Variants in HECTD4 observed in about 807,000 individuals in gnomAD.
HECTD4 encodes probable E3 ubiquitin-protein ligase HECTD4.
Under a neutral mutation model 471.5 loss-of-function variants are expected in HECTD4, and 114 were observed. That is an observed-to-expected ratio of 0.24 (90% CI 0.21 to 0.28). HECTD4 has a LOEUF of 0.28. HECTD4 is among the 10% of genes least tolerant of loss of function. The pLI, the probability that HECTD4 is intolerant of heterozygous loss-of-function variation, is 1.00. For synonymous variants in HECTD4, 2,012 were observed against 2,256.0 expected (o/e 0.89, Z 3.07); for missense variants, 3,866 against 5,651.5 (o/e 0.68, Z 10.13).
Position 112,353,361 on chromosome 12 carries a change from G to A in HECTD4, c.177+28591C>T, listed in dbSNP as rs1342587110. Among the ~76,000 whole-genome samples the A allele has an allele frequency of 3.3e-5, 5 of 152,306 alleles. No individual in the cohort carries two copies. In the East Asian group the frequency reaches 9.6e-4, roughly 29 times the overall value. The stretch of plus-strand genomic sequence containing the variant: ...CCCTAAATTCTAAACATGCTACTGA[G>A]AGAAAAGGCTCTAAAATTATTAACC... On this transcript the variant is annotated intron_variant, in intron 1 of 75. Transcript: ENST00000682272.
chr12:112,210,173 A>AGTG lies in HECTD4; in HGVS notation c.7708_7709insCAC (p.Asp2569_Leu2570insPro). On this transcript the variant is annotated inframe_insertion, in exon 50 of 76. Transcript: ENST00000682272. ...GATCTCTTCTGCTAGGTCAGTGCAC[A>AGTG]GGTCAGCAGCATTGCGGTGGGCCTG... 6.2e-7 allele frequency: 1 copy of AGTG among 1,614,040 alleles called. No individual in the cohort carries two copies. Among genetic ancestry groups the AGTG allele is most frequent in the Non-Finnish European group, 8.5e-7 (1 of 1,179,890 alleles).
At chr12:112,196,864 C>T (rs190901795) in intron 55 of HECTD4, among the ~76,000 whole-genome samples, 3 of 151,510 alleles carry the variant, frequency 2.0e-5, no homozygotes, top group East Asian at 1.9e-4. Flanking sequence ...GGTGTGATCT[C>T]GGCTCACTGC....
intron 7 of HECTD4, among the ~76,000 whole-genome samples, chr12:112,287,560 G>T (rs1401285307): frequency 6.6e-6 from 1 of 152,120 alleles, no homozygotes; most frequent in African/African-American, 2.4e-5. Flanking sequence ...TAGAGCACAT[G>T]GGGGCAGAAG....
At chr12:112,380,043 T>G (rs7311681) in intron 1 of HECTD4, among the ~76,000 whole-genome samples, 55,578 of 152,038 alleles carry the variant, frequency 0.37, 15,260 homozygotes, top group East Asian at 0.85. Context: ...AAAACCAACA[T>G]CACAGATATT....
intron 67 of HECTD4, among the ~76,000 whole-genome samples, chr12:112,171,919 T>TG (rs2031236567): frequency 6.6e-6 from 1 of 152,218 alleles, no homozygotes; most frequent in African/African-American, 2.4e-5. Flanking sequence ...AGTTTTTTTT[T>TG]GGAGACGGAG....
At chr12:112,265,560 A>G (rs758641715) in intron 15 of HECTD4, among the ~76,000 whole-genome samples, 3 of 152,206 alleles carry the variant, frequency 2.0e-5, no homozygotes, top group African/African-American at 7.2e-5. Flanking sequence ...TCTAACACAC[A>G]TACTCAGCCT....
Position 112,163,184 on chromosome 12 carries a change from G to A in HECTD4, c.12978C>T (p.Thr4326=). ...TGATGAACTTGCACAGCTCCTCCTG[G>A]GTGAACATCTCCAGGGCCCCCCAGA... The part of the protein sequence containing the change: ...EFFWGALEMF[T]QEELCKFIKF... Residue 4326 remains threonine, a synonymous_variant, in exon 75 of 76, where the codon ACC becomes ACT. Coordinates refer to ENST00000682272, the MANE Select transcript of HECTD4 (RefSeq NM_001388303.1). The surrounding 1 kb of genome is among the most constrained non-coding windows in gnomAD (Gnocchi z 8.2). 3 of 1,613,948 alleles carry A rather than the reference G, an allele frequency of 1.9e-6. No individual in the cohort carries two copies. The highest frequency in any genetic ancestry group is 2.2e-5 in the South Asian group (2 of 91,084).
In HECTD4 at chr12:112,185,512, G is replaced by C; in HGVS notation, c.9473-19C>G. The C allele has an allele frequency of 1.3e-6, 2 of 1,519,314 alleles. No individual in the cohort carries two copies. Among genetic ancestry groups the C allele is most frequent in the Non-Finnish European group, 1.8e-6 (2 of 1,127,522 alleles). The allele number at this position is 1,519,314 out of a possible 1,614,324, so 94.1% of individuals were successfully genotyped here. ...AAGTTTCCTGAGGCAAATGAAAATA[G>C]TAACAGTAATTACTATGCAGCACTG... On this transcript the variant is annotated intron_variant, in intron 60 of 75. Coordinates refer to ENST00000682272, the MANE Select transcript of HECTD4 (RefSeq NM_001388303.1).
chr12:112,317,928 CCTGGT>C (rs1294053862), intron 2 of HECTD4, among the ~76,000 whole-genome samples: 2 of 137,558 alleles, frequency 1.5e-5, no homozygotes, highest in African/African-American at 5.7e-5. Context: ...TGCACTTCAG[CCTGGT>C]CTTTGAGAGC....
chr12:112,352,017 T>G (rs1413298203), intron 1 of HECTD4, among the ~76,000 whole-genome samples: 1 of 152,226 alleles, frequency 6.6e-6, no homozygotes, highest in Non-Finnish European at 1.5e-5. Flanking sequence ...ACACTATGGG[T>G]AGTGAGAAGG....
rs936410094 is a variant in HECTD4 at position 112,213,542 on chromosome 12, C to G, written c.7466-892G>C. 6.6e-6 allele frequency among the ~76,000 whole-genome samples: 1 copy of G among 151,440 alleles called. No individual in the cohort carries two copies. The highest frequency in any genetic ancestry group is 2.0e-4 in the East Asian group (1 of 5,122). On this transcript the variant is annotated intron_variant, in intron 48 of 75. Transcript: ENST00000682272. This position sits in a 1 kb window ranked among gnomAD's most constrained non-coding sequence, Gnocchi z 4.0. Reference sequence around the variant, plus strand: ...TCTACTAAAAATACAAAAATTTCGCCGGGCTAGGTGGCAGGCACCTGTAGT... The same window carrying G: ...TCTACTAAAAATACAAAAATTTCGCGGGGCTAGGTGGCAGGCACCTGTAGT...
At chr12:112,290,673 C>T (rs1594014491) in intron 7 of HECTD4, among the ~76,000 whole-genome samples, 1 of 150,284 alleles carries the variant, frequency 6.7e-6, no homozygotes, top group East Asian at 2.0e-4. Flanking sequence ...AATGGAGAAA[C>T]CCTGTCTCTA....
At chr12:112,197,718 A>G (rs2032288219) in intron 55 of HECTD4, among the ~76,000 whole-genome samples, 1 of 152,252 alleles carries the variant, frequency 6.6e-6, no homozygotes, top group Non-Finnish European at 1.5e-5. Context: ...CTCAGTTGCT[A>G]GTCAGCAGTC....
intron 58 of HECTD4, 98 bp from the exon 59 acceptor site, chr12:112,192,863 T>C (rs1239978375): frequency 1.6e-6 from 2 of 1,228,966 alleles, no homozygotes; most frequent in Non-Finnish European, 1.1e-6. Context: ...AGATGAGAAC[T>C]GGGCCCAAGT....
chr12:112,236,296 T>G (rs1035717668), intron 35 of HECTD4, among the ~76,000 whole-genome samples: 1 of 152,184 alleles, frequency 6.6e-6, no homozygotes, highest in East Asian at 1.9e-4. Flanking sequence ...AATAAATGAT[T>G]GCTAGGGAGA....
At chr12:112,347,073 C>T (rs1035991320) in intron 1 of HECTD4, among the ~76,000 whole-genome samples, 1 of 151,872 alleles carries the variant, frequency 6.6e-6, no homozygotes, top group African/African-American at 2.4e-5. Context: ...CCTCTGGCCT[C>T]GACTTTTCAT....
At chr12:112,347,457 C>A (rs779021650) in intron 1 of HECTD4, among the ~76,000 whole-genome samples, 4 of 152,110 alleles carry the variant, frequency 2.6e-5, no homozygotes, top group Non-Finnish European at 5.9e-5. Flanking sequence ...TTGCAGTGAG[C>A]CAAGATTGCA....
At chr12:112,331,675 A>G (rs1381922377) in intron 1 of HECTD4, among the ~76,000 whole-genome samples, 1 of 152,234 alleles carries the variant, frequency 6.6e-6, no homozygotes, top group Non-Finnish European at 1.5e-5. Flanking sequence ...CCAGATCACC[A>G]ACAAGAAAGG....
At position 112,261,350 on chromosome 12, in the gene HECTD4, A is replaced by C; in HGVS notation, c.2828T>G (p.Val943Gly). 1.2e-6 allele frequency: 2 copies of C among 1,611,546 alleles called. No individual in the cohort carries two copies. Among genetic ancestry groups the C allele is most frequent in the Non-Finnish European group, 1.7e-6 (2 of 1,177,794 alleles). ...CDEVLEMLQQ[V>G]TTALINSDIA... ...GTCACTATTTATGAGGGCAGTTGTG[A>C]CCTGCTGTAGCATTTCCAACACTTC... is the stretch of plus-strand genomic sequence containing the variant. Residue 943 changes from valine (V) to glycine (G), a missense_variant, in exon 18 of 76, where the codon GTC becomes GGC. Val to Gly is a moderately radical substitution (Grantham distance 109). This residue lies in a region of HECTD4 where 525 missense variants were observed against 672.6 expected (regional missense o/e 0.78). Coordinates refer to ENST00000682272, the MANE Select transcript of HECTD4 (RefSeq NM_001388303.1).
Sources: allele counts gnomAD v4.1 joint callset (sites outside exome capture counted in the v4.1 genomes callset), GRCh38; gene constraint gnomAD v4.1.1; regional missense constraint gnomAD v4.1.1; non-coding constraint Gnocchi (gnomAD v3.1); transcripts MANE v1.5; gene names NCBI Gene and HGNC (gene_info 2026-07-23, HGNC 2026-07-21).